The following LIMS1 variants were observed in gnomAD, a reference collection of about 807,000 sequenced individuals.
LIMS1 encodes LIM and senescent cell antigen-like-containing domain protein 1.
Under a neutral mutation model 44.1 loss-of-function variants are expected in LIMS1, and 18 were observed. The ratio of observed to expected loss-of-function variants is 0.41; its 90% CI spans 0.28 to 0.61. The LOEUF (loss-of-function observed/expected upper bound fraction) is 0.61. LIMS1 is among the 20% of genes least tolerant of loss of function. The pLI is 0.32. For missense variants in LIMS1, 201 were observed against 422.0 expected, an observed-to-expected ratio of 0.48 and a Z score of 4.59; for synonymous variants, 93 against 149.1, an observed-to-expected ratio of 0.62 and a Z score of 2.74.
intron 1 of LIMS1, among the ~76,000 whole-genome samples, chr2:108,580,564 C>T (rs1685847618): frequency 1.3e-5 from 2 of 152,014 alleles, no homozygotes; most frequent in African/African-American, 2.4e-5. Flanking sequence ...GTTCAGAGGC[C>T]AGTTACAAGG....
intron 1 of LIMS1, among the ~76,000 whole-genome samples, chr2:108,607,870 C>A (rs1687361190): frequency 6.6e-6 from 1 of 152,108 alleles, no homozygotes; most frequent in South Asian, 2.1e-4. Context: ...AGTTAATGCC[C>A]CTTTTGTCCT....
intron 1 of LIMS1, among the ~76,000 whole-genome samples, chr2:108,575,325 A>T (rs1685628102): frequency 6.6e-6 from 1 of 152,208 alleles, no homozygotes; most frequent in Admixed American, 6.5e-5. Context: ...TTCTTCAAAA[A>T]AATGCAAAAG....
At chr2:108,623,152 A>G (rs1688351892) in intron 1 of LIMS1, among the ~76,000 whole-genome samples, 1 of 152,092 alleles carries the variant, frequency 6.6e-6, no homozygotes, top group African/African-American at 2.4e-5. Flanking sequence ...AGAGAAAATG[A>G]TCATTTTCCT....
chr2:108,652,306 G>T (rs554366601), intron 1 of LIMS1, among the ~76,000 whole-genome samples: 1 of 152,422 alleles, frequency 6.6e-6, no homozygotes, highest in Admixed American at 6.5e-5. Flanking sequence ...ATGCCCTTCA[G>T]CGGGTGAACA....
chr2:108,622,464 CATTT>C (rs751762070), intron 1 of LIMS1, among the ~76,000 whole-genome samples: 6 of 152,170 alleles, frequency 3.9e-5, no homozygotes, highest in South Asian at 2.1e-4. Flanking sequence ...GCTAAAGAAA[CATTT>C]ATTTTAAAAT....
intron 9 of LIMS1, chr2:108,681,689 A>G (rs1693006858): frequency 6.3e-6 from 4 of 634,542 alleles, no homozygotes; most frequent in Non-Finnish European, 7.8e-6. Flanking sequence ...AGGAAGGCAG[A>G]GTGGAAGGAT....
intron 5 of LIMS1, 130 bp downstream of exon 5, chr2:108,673,159 A>G: frequency 7.4e-7 from 1 of 1,349,108 alleles, no homozygotes; most frequent in South Asian, 1.3e-5. Flanking sequence ...TTAAACCTAT[A>G]GACGAGTCAA....
chr2:108,647,948 T>C (rs1323245574), intron 1 of LIMS1, among the ~76,000 whole-genome samples: 3 of 152,180 alleles, frequency 2.0e-5, no homozygotes. Flanking sequence ...CAACATAGTA[T>C]TAGAAGTTCT....
chr2:108,576,316 G>T (rs1685668690), intron 1 of LIMS1, among the ~76,000 whole-genome samples: 1 of 152,146 alleles, frequency 6.6e-6, no homozygotes, highest in Non-Finnish European at 1.5e-5. Flanking sequence ...TATTGCCCAG[G>T]CTGGTCTTGA....
At chr2:108,645,580 A>G (rs1690004244) in intron 1 of LIMS1, among the ~76,000 whole-genome samples, 1 of 152,222 alleles carries the variant, frequency 6.6e-6, no homozygotes, top group Non-Finnish European at 1.5e-5. Context: ...AAGAAACTGC[A>G]TCAACTAACG....
intron 1 of LIMS1, among the ~76,000 whole-genome samples, chr2:108,602,349 G>C (rs565005032): frequency 1.3e-5 from 2 of 152,190 alleles, no homozygotes; most frequent in African/African-American, 2.4e-5. Flanking sequence ...AGTGGTGAAA[G>C]TGGGCATCCT....
chr2:108,662,876 TTTCTC>T (rs1311964820), intron 2 of LIMS1: 4 of 536,048 alleles, frequency 7.5e-6, no homozygotes, highest in African/African-American at 6.2e-5. Flanking sequence ...TATTTTTTCT[TTTCTC>T]TAGAAGACTA....
At chr2:108,607,138 C>G in intron 1 of LIMS1, 1 of 1,364,466 alleles carries the variant, frequency 7.3e-7, no homozygotes, top group Non-Finnish European at 1.0e-6. Context: ...CCCAAGGGAG[C>G]CTGCTTGCCC....
At chr2:108,570,850 C>T (rs138168287) in intron 1 of LIMS1, among the ~76,000 whole-genome samples, 5 of 152,334 alleles carry the variant, frequency 3.3e-5, no homozygotes, top group African/African-American at 1.2e-4. Context: ...GCCAAGACCG[C>T]TCCTCCATCC....
chr2:108,663,813 T>C (rs1159286905), intron 2 of LIMS1, among the ~76,000 whole-genome samples: 1 of 152,032 alleles, frequency 6.6e-6, no homozygotes, highest in African/African-American at 2.4e-5. Flanking sequence ...GGAGTGCAAA[T>C]GTGCGATCTT....
At chr2:108,581,846 A>G (rs1272193258) in intron 1 of LIMS1, among the ~76,000 whole-genome samples, 2 of 152,018 alleles carry the variant, frequency 1.3e-5, no homozygotes, top group African/African-American at 4.8e-5. Context: ...CTGAGGCAAG[A>G]GAATTGCTTG....
chr2:108,639,513 C>T (rs943080469), intron 1 of LIMS1, among the ~76,000 whole-genome samples: 10 of 152,218 alleles, frequency 6.6e-5, no homozygotes, highest in African/African-American at 1.2e-4. Flanking sequence ...AGCGCAGTTG[C>T]GCCATCTCAG....
At chr2:108,645,540 T>TA (rs1690001600) in intron 1 of LIMS1, among the ~76,000 whole-genome samples, 1 of 152,128 alleles carries the variant, frequency 6.6e-6, no homozygotes, top group Non-Finnish European at 1.5e-5. Context: ...TGCAAAAACT[T>TA]ACCAAATTGT....
In LIMS1 at chr2:108,545,256, A is replaced by T. The variant is rs150052806; in HGVS notation, c.32+10662A>T. On this transcript the variant is annotated intron_variant, in intron 1 of 9. Coordinates refer to ENST00000544547, the Ensembl canonical transcript of LIMS1. ...TCAGGGTATATGGTTTAACATCCTC[A>T]TATATATAATTTTGTTGCCCAGGCA... Among the ~76,000 whole-genome samples, 11 of 152,196 alleles carry T rather than the reference A, an allele frequency of 7.2e-5. No homozygotes were observed. In the East Asian group the frequency reaches 7.7e-4, roughly 11 times the overall value.
Sources: allele counts gnomAD v4.1 joint callset (sites outside exome capture counted in the v4.1 genomes callset), GRCh38; gene constraint gnomAD v4.1.1; transcripts MANE v1.5; gene names NCBI Gene and HGNC (gene_info 2026-07-23, HGNC 2026-07-21).